The following UBL3 variants were observed in gnomAD, a reference collection of about 807,000 sequenced individuals.
UBL3 encodes ubiquitin like 3, also known as ubiquitin-like protein 3.
UBL3 carries 6 observed loss-of-function variants against 18.4 expected under a neutral mutation model. The observed-to-expected ratio is 0.33, with a 90% CI of 0.18 to 0.64. The LOEUF is 0.64. Ranked by LOEUF, UBL3 falls within the 30% of genes least tolerant of loss-of-function variation. UBL3 has a pLI of 0.76. For synonymous variants in UBL3, 49 were observed against 46.6 expected, an observed-to-expected ratio of 1.05 and a Z score of -0.21; for missense variants, 109 against 142.9, an observed-to-expected ratio of 0.76 and a Z score of 1.21.
In UBL3 at chr13:29,768,380, A is replaced by G. The variant is rs375168227; in HGVS notation, c.224-685T>C. On this transcript the variant is annotated intron_variant, in intron 3 of 4. Coordinates refer to ENST00000380680, the MANE Select transcript of UBL3 (RefSeq NM_007106.4). ...ATACAAATACTGAGTTTCATGGTAAATCCCTTTGTTACTCTGTGTATAAAA... is the reference window on the plus strand; with the variant it reads ...ATACAAATACTGAGTTTCATGGTAAGTCCCTTTGTTACTCTGTGTATAAAA... Among the ~76,000 whole-genome samples the G allele has an allele frequency of 6.8e-4, 103 of 152,156 alleles. 2 individuals are homozygous for G. Among genetic ancestry groups the G allele is most frequent in the Middle Eastern group, 3.4e-3 (1 of 294 alleles).
chr13:29,838,031 CA>C (rs1000785452), intron 1 of UBL3, among the ~76,000 whole-genome samples: 22 of 137,224 alleles, frequency 1.6e-4, no homozygotes, highest in Admixed American at 1.5e-4. Context: ...ATGTAGATTA[CA>C]AAAAAAAAAG....
chr13:29,841,762 C>T (rs924546757), intron 1 of UBL3, among the ~76,000 whole-genome samples: 1 of 152,126 alleles, frequency 6.6e-6, no homozygotes, highest in African/African-American at 2.4e-5. Flanking sequence ...TATTCTAGCT[C>T]AACTTCTTCC....
At chr13:29,815,233 C>T (rs1878238217) in intron 1 of UBL3, among the ~76,000 whole-genome samples, 1 of 151,872 alleles carries the variant, frequency 6.6e-6, no homozygotes, top group Non-Finnish European at 1.5e-5. Context: ...AAACAGCATC[C>T]CAGAGAATTC....
intron 1 of UBL3, among the ~76,000 whole-genome samples, chr13:29,786,331 A>G (rs1048169740): frequency 2.8e-4 from 43 of 152,352 alleles, no homozygotes; most frequent in African/African-American, 9.1e-4. Flanking sequence ...ACTTGCCCCA[A>G]GGCCTTTACA....
At chr13:29,814,160 C>T (rs983830450) in intron 1 of UBL3, among the ~76,000 whole-genome samples, 6 of 151,950 alleles carry the variant, frequency 3.9e-5, no homozygotes, top group Non-Finnish European at 8.8e-5. Context: ...TGTTATTTTG[C>T]TGTAGATTTT....
In UBL3 at chr13:29,772,101, G is replaced by T; in HGVS notation, c.223+11C>A. The T allele has an allele frequency of 1.9e-6, 3 of 1,605,144 alleles. No individual in the cohort carries two copies. The highest frequency in any genetic ancestry group is 2.6e-6 in the Non-Finnish European group (3 of 1,173,594). On this transcript the variant is annotated intron_variant, in intron 3 of 4. Coordinates refer to ENST00000380680, the MANE Select transcript of UBL3 (RefSeq NM_007106.4). ...ACAGACATTAAATCCCATTACAAAG[G>T]TGGCTGTTACCTCCTAATGTGACAT...
intron 1 of UBL3, among the ~76,000 whole-genome samples, chr13:29,830,632 T>A (rs2256122): frequency 0.1 from 15,390 of 151,980 alleles, 955 homozygotes; most frequent in African/African-American, 0.17. Flanking sequence ...GTAATAGAAA[T>A]ATTCACCTTT....
At chr13:29,809,556 A>G (rs975871378) in intron 1 of UBL3, among the ~76,000 whole-genome samples, 12 of 152,308 alleles carry the variant, frequency 7.9e-5, no homozygotes, top group African/African-American at 2.6e-4. Flanking sequence ...TCCAATTTAC[A>G]CTGAAGGTCA....
intron 1 of UBL3, among the ~76,000 whole-genome samples, chr13:29,809,544 G>T (rs1160843359): frequency 6.6e-6 from 1 of 152,080 alleles, no homozygotes; most frequent in Non-Finnish European, 1.5e-5. Flanking sequence ...AGTGGAGCAT[G>T]GTCCAATTTA....
At position 29,808,278 on chromosome 13, in the gene UBL3, T is replaced by C. The variant is rs563579342; in HGVS notation, c.28-31015A>G. On this transcript the variant is annotated intron_variant, in intron 1 of 4. Transcript: ENST00000380680. Reference sequence around the variant, plus strand: ...TCATAGTATTCTTATTTGCTCAGTGTATACTCAATGCATACAGTGCATATA... The same window carrying C: ...TCATAGTATTCTTATTTGCTCAGTGCATACTCAATGCATACAGTGCATATA... 2.0e-5 allele frequency among the ~76,000 whole-genome samples: 3 copies of C among 152,212 alleles called. No individual in the cohort carries two copies. The South Asian group carries it at 6.2e-4, about 31-fold the overall frequency.
rs546300478 is a variant in UBL3 at position 29,804,771 on chromosome 13, A to G, written c.28-27508T>C. ...AGGAAGAAACTGAATAACAGAACAG[A>G]TGTTATTTCCAGGTGATAGCATAAT... On this transcript the variant is annotated intron_variant, in intron 1 of 4. Transcript: ENST00000380680. 9.8e-5 allele frequency among the ~76,000 whole-genome samples: 15 copies of G among 152,330 alleles called. No homozygotes were observed. In the South Asian group the frequency reaches 2.9e-3, roughly 29 times the overall value.
At chr13:29,791,228 C>T (rs946562814) in intron 1 of UBL3, among the ~76,000 whole-genome samples, 1 of 152,124 alleles carries the variant, frequency 6.6e-6, no homozygotes, top group Admixed American at 6.5e-5. Context: ...CTTTCAAATT[C>T]TCTCTGTCAG....
At chr13:29,803,632 G>C (rs1437187102) in intron 1 of UBL3, among the ~76,000 whole-genome samples, 1 of 151,552 alleles carries the variant, frequency 6.6e-6, no homozygotes, top group South Asian at 2.1e-4. Flanking sequence ...AGGGAGAAGG[G>C]GTTTCAATCC....
intron 1 of UBL3, among the ~76,000 whole-genome samples, chr13:29,812,494 A>G (rs1230835071): frequency 6.6e-6 from 1 of 152,062 alleles, no homozygotes; most frequent in Non-Finnish European, 1.5e-5. Context: ...CCAAGGTCAT[A>G]TATGTTGAAG....
chr13:29,826,572 T>TTTGA (rs1410608038), intron 1 of UBL3, among the ~76,000 whole-genome samples: 1 of 151,942 alleles, frequency 6.6e-6, no homozygotes, highest in Non-Finnish European at 1.5e-5. Flanking sequence ...ATTGCTTCTA[T>TTTGA]TTGATTCTTC....
Position 29,767,295 on chromosome 13 carries a change from C to T in UBL3, c.314G>A (p.Arg105His), listed in dbSNP as rs200837477. The change falls in exon 5 of 5, where the codon CGT becomes CAT. Residue 105 changes from arginine to histidine, a missense_variant. By Grantham distance (29) the Arg-to-His change is conservative. Coordinates refer to ENST00000380680, the MANE Select transcript of UBL3 (RefSeq NM_007106.4). ...ACAATTACTCTCTCCAGTCTTCTCACGATTCCTCTGACCTAGGGAAAACGA... is the reference window on the plus strand; with the variant it reads ...ACAATTACTCTCTCCAGTCTTCTCATGATTCCTCTGACCTAGGGAAAACGA... The part of the protein sequence containing the change: ...PEPNSQGQRN[R>H]EKTGESNCCV... 1.0e-4 allele frequency: 166 copies of T among 1,613,128 alleles called. 5 individuals are homozygous for T. In the South Asian group the frequency reaches 1.4e-3, roughly 13 times the overall value.
intron 1 of UBL3, among the ~76,000 whole-genome samples, chr13:29,829,483 C>T (rs992933710): frequency 3.3e-5 from 5 of 152,216 alleles, no homozygotes; most frequent in Admixed American, 6.5e-5. Flanking sequence ...TGGGACCCTC[C>T]AAGCCAGGCG....
intron 1 of UBL3, among the ~76,000 whole-genome samples, chr13:29,824,426 T>C (rs538729106): frequency 2.0e-3 from 300 of 152,350 alleles, no homozygotes; most frequent in Non-Finnish European, 3.7e-3. Flanking sequence ...TGGTATCTCA[T>C]TGTGGTTTTG....
chr13:29,820,234 T>G (rs1878395789), intron 1 of UBL3, among the ~76,000 whole-genome samples: 1 of 144,718 alleles, frequency 6.9e-6, no homozygotes, highest in African/African-American at 2.6e-5. Flanking sequence ...GAGAGCTCAG[T>G]GGCTCGATCT....
Sources: allele counts gnomAD v4.1 joint callset (sites outside exome capture counted in the v4.1 genomes callset), GRCh38; gene constraint gnomAD v4.1.1; transcripts MANE v1.5; gene names NCBI Gene and HGNC (gene_info 2026-07-23, HGNC 2026-07-21).